Variants in PPP2R2B observed in about 807,000 individuals in gnomAD.
PPP2R2B encodes serine/threonine-protein phosphatase 2A 55 kDa regulatory subunit B beta isoform.
PPP2R2B carries 5 observed loss-of-function variants against 46.0 expected under a neutral mutation model. The observed-to-expected ratio is 0.11, with a 90% confidence interval of 0.06 to 0.23. The LOEUF (loss-of-function observed/expected upper bound fraction) is 0.23. Among genes scored for constraint, PPP2R2B ranks in the 10% least tolerant of loss-of-function variants. The probability of loss-of-function intolerance (pLI) is 1.00; values close to 1 mark genes in which losing one functional copy is unlikely to be tolerated. For missense variants in PPP2R2B, 367 were observed against 575.0 expected (o/e 0.64, Z 3.70); for synonymous variants, 215 against 206.7 (o/e 1.04, Z -0.34).
At chr5:146,930,819 T>C (rs1763944211) in intron 1 of PPP2R2B, among the ~76,000 whole-genome samples, 1 of 152,218 alleles carries the variant, frequency 6.6e-6, no homozygotes, top group African/African-American at 2.4e-5. Context: ...CTAAAATTTC[T>C]TTTTTATGTA....
intron 2 of PPP2R2B, among the ~76,000 whole-genome samples, chr5:146,832,141 A>G (rs1406965241): frequency 1.3e-5 from 2 of 152,256 alleles, no homozygotes; most frequent in African/African-American, 4.8e-5. Flanking sequence ...AAAGTTAAAA[A>G]AATTAAAAAG....
At chr5:147,081,077 C>T (rs781398341) in exon 2 of PPP2R2B, 24 of 1,535,414 alleles carry the variant, frequency 1.6e-5, no homozygotes, top group East Asian at 2.4e-5. Flanking sequence ...GTTCCAATCT[C>T]GATAGTGCCT....
intron 1 of PPP2R2B, among the ~76,000 whole-genome samples, chr5:146,953,735 A>C (rs1751737417): frequency 6.6e-6 from 1 of 152,186 alleles, no homozygotes; most frequent in Admixed American, 6.6e-5. Flanking sequence ...ATTTTATAAC[A>C]ATCCCATGAA....
intron 2 of PPP2R2B, among the ~76,000 whole-genome samples, chr5:147,069,807 T>TTTTTTTC (rs1757531757): frequency 7.0e-6 from 1 of 143,094 alleles, no homozygotes; most frequent in Non-Finnish European, 1.5e-5. Flanking sequence ...TTTTTTTTTT[T>TTTTTTTC]TGAGATGGAG....
At chr5:146,993,861 C>T (rs1009192021) in intron 1 of PPP2R2B, among the ~76,000 whole-genome samples, 14 of 152,086 alleles carry the variant, frequency 9.2e-5, no homozygotes, top group Admixed American at 2.0e-4. Flanking sequence ...TGGCTCCCTA[C>T]GTTAGGATAC....
chr5:146,787,438 A>G (rs1286057690), intron 2 of PPP2R2B, among the ~76,000 whole-genome samples: 1 of 152,198 alleles, frequency 6.6e-6, no homozygotes, highest in African/African-American at 2.4e-5. Flanking sequence ...AACTGGCTGA[A>G]CAAAAGCCTT....
chr5:146,772,810 C>T (rs1056828703), intron 2 of PPP2R2B, among the ~76,000 whole-genome samples: 7 of 152,132 alleles, frequency 4.6e-5, no homozygotes, highest in Admixed American at 3.9e-4. Context: ...GAACAGCCAA[C>T]ATTGCTCATA....
At chr5:146,854,441 C>T (rs1032131175) in intron 2 of PPP2R2B, among the ~76,000 whole-genome samples, 5 of 152,124 alleles carry the variant, frequency 3.3e-5, no homozygotes, top group Admixed American at 2.0e-4. Flanking sequence ...CAAATTCTCT[C>T]TTCTGGCTTC....
chr5:146,908,658 G>C, intron 1 of PPP2R2B, among the ~76,000 whole-genome samples: 1 of 152,010 alleles, frequency 6.6e-6, no homozygotes, highest in Non-Finnish European at 1.5e-5. Context: ...GTTGAAGAAG[G>C]TGATGACCTA....
chr5:146,741,108 T>A (rs1752851554), intron 2 of PPP2R2B, among the ~76,000 whole-genome samples: 1 of 151,912 alleles, frequency 6.6e-6, no homozygotes, highest in Non-Finnish European at 1.5e-5. Flanking sequence ...GGAATGGGGA[T>A]CTAGGCATCC....
At chr5:146,987,303 G>A (rs1241428781) in intron 1 of PPP2R2B, among the ~76,000 whole-genome samples, 1 of 152,038 alleles carries the variant, frequency 6.6e-6, no homozygotes, top group African/African-American at 2.4e-5. Context: ...CAAGACACAT[G>A]TGCAACAAGA....
chr5:146,654,812 T>G (rs2151099184), intron 5 of PPP2R2B, among the ~76,000 whole-genome samples: 1 of 152,320 alleles, frequency 6.6e-6, no homozygotes, highest in East Asian at 1.9e-4. Flanking sequence ...CTCTGCTTCC[T>G]GTCCCAGACT....
chr5:146,898,499 T>C (rs1762720158), intron 1 of PPP2R2B, among the ~76,000 whole-genome samples: 1 of 152,070 alleles, frequency 6.6e-6, no homozygotes, highest in Non-Finnish European at 1.5e-5. Flanking sequence ...ACTTGAACAT[T>C]AGACCTAAAA....
At chr5:146,623,742 G>A (rs2151060759) in intron 7 of PPP2R2B, among the ~76,000 whole-genome samples, 1 of 152,266 alleles carries the variant, frequency 6.6e-6, no homozygotes, top group Non-Finnish European at 1.5e-5. Context: ...AGCTTCGTGG[G>A]GATAGCATTC....
rs970252689 is a variant in PPP2R2B, at chr5:146,587,726, C to T, written c.*2221G>A. 5.3e-5 allele frequency: 8 copies of T among 152,118 alleles called. No individual in the cohort carries two copies. The highest frequency in any genetic ancestry group is 1.2e-4 in the Non-Finnish European group (8 of 68,026). The allele number at this position is 152,118 out of a possible 1,614,324, so 9.4% of individuals were successfully genotyped here. On this transcript the variant is annotated 3_prime_UTR_variant, in exon 10 of 10. Transcript: ENST00000394411. The stretch of plus-strand genomic sequence containing the variant: ...GTGGTATGTGGGTGCATGTTTGTTA[C>T]ATTGATAATTATGTGATTAATGTTA...
intron 2 of PPP2R2B, among the ~76,000 whole-genome samples, chr5:146,868,449 C>G (rs921367300): frequency 6.6e-6 from 1 of 152,128 alleles, no homozygotes; most frequent in African/African-American, 2.4e-5. Flanking sequence ...TCAAAGAGAC[C>G]TAGATGATCA....
intron 7 of PPP2R2B, among the ~76,000 whole-genome samples, chr5:146,627,748 C>T (rs1196129350): frequency 6.6e-6 from 1 of 152,070 alleles, no homozygotes; most frequent in African/African-American, 2.4e-5. Context: ...GTACTAATAC[C>T]AATCTTCATG....
chr5:146,959,769 T>C (rs1409770270), intron 1 of PPP2R2B, among the ~76,000 whole-genome samples: 3 of 151,998 alleles, frequency 2.0e-5, no homozygotes, highest in Non-Finnish European at 4.4e-5. Context: ...AGTGAGTTGT[T>C]ATGCTGATGA....
intron 1 of PPP2R2B, among the ~76,000 whole-genome samples, chr5:146,916,031 A>C (rs1763372704): frequency 6.6e-6 from 1 of 152,184 alleles, no homozygotes; most frequent in Non-Finnish European, 1.5e-5. Flanking sequence ...TATGTTTCCC[A>C]TTAAACTAAA....
Sources: gnomAD v4.1 joint callset for allele counts (sites outside exome capture counted in the v4.1 genomes callset) on GRCh38, gnomAD v4.1.1 for gene constraint, MANE v1.5 for transcripts, NCBI Gene and HGNC (gene_info 2026-07-23, HGNC 2026-07-21) for gene names.